The following USH2A variants were observed in gnomAD, a reference collection of about 807,000 sequenced individuals.
The protein encoded by USH2A is usherin.
USH2A carries 443 observed loss-of-function variants against 538.9 expected under a neutral mutation model. The observed-to-expected ratio is 0.82, with a 90% CI of 0.76 to 0.89. The LOEUF (loss-of-function observed/expected upper bound fraction) is 0.89, where lower values mean the gene tolerates loss of function less well. USH2A is among the 40% of genes least tolerant of loss of function. The pLI is 0.00. For missense variants in USH2A, 6,633 were observed against 6,324.8 expected, an observed-to-expected ratio of 1.05 and a Z score of -1.65; for synonymous variants, 2,413 against 2,273.5, an observed-to-expected ratio of 1.06 and a Z score of -1.75.
At chr1:215,824,901 T>A (rs1175664631) in intron 47 of USH2A, among the ~76,000 whole-genome samples, 1 of 152,188 alleles carries the variant, frequency 6.6e-6, no homozygotes, top group Non-Finnish European at 1.5e-5. Flanking sequence ...TACCATCTGC[T>A]CGGAGATTTT....
chr1:216,332,807 C>G (rs2037895982), intron 4 of USH2A, among the ~76,000 whole-genome samples: 1 of 152,060 alleles, frequency 6.6e-6, no homozygotes, highest in Non-Finnish European at 1.5e-5. Context: ...ACTAAACAAG[C>G]AAACAGTAGT....
intron 61 of USH2A, among the ~76,000 whole-genome samples, chr1:215,719,721 C>T (rs4655426): frequency 0.17 from 26,029 of 152,116 alleles, 2,311 homozygotes; most frequent in South Asian, 0.31. Context: ...GTCATTGCAG[C>T]AGCCCTATGA....
chr1:215,847,414 A>C (rs1318747952), intron 44 of USH2A, among the ~76,000 whole-genome samples: 1 of 152,074 alleles, frequency 6.6e-6, no homozygotes, highest in African/African-American at 2.4e-5. Flanking sequence ...GTACTTTATG[A>C]GGCTGAGATC....
chr1:216,127,525 G>T (rs948623571), intron 21 of USH2A, among the ~76,000 whole-genome samples: 5 of 152,106 alleles, frequency 3.3e-5, no homozygotes, highest in African/African-American at 1.2e-4. Context: ...TGTTTCAGGA[G>T]AAAACTCTCA....
intron 4 of USH2A, among the ~76,000 whole-genome samples, chr1:216,352,792 T>C (rs2038311583): frequency 6.6e-6 from 1 of 152,156 alleles, no homozygotes; most frequent in Non-Finnish European, 1.5e-5. Flanking sequence ...GGTGGATAAA[T>C]ATAGCAGTGG....
intron 38 of USH2A, among the ~76,000 whole-genome samples, chr1:215,913,752 T>C (rs1031754370): frequency 2.0e-5 from 3 of 151,940 alleles, no homozygotes; most frequent in Non-Finnish European, 4.4e-5. Flanking sequence ...TTTTTTTCCA[T>C]AAAAGTTGAG....
chr1:215,899,882 C>T lies in USH2A; in HGVS notation c.7594+193G>A, dbSNP rs1251080483. On this transcript the variant is annotated intron_variant, in intron 40 of 71. Coordinates refer to ENST00000307340, the MANE Select transcript of USH2A (RefSeq NM_206933.4). ...CTGTCTGTAGGCCTAACCCTCCAAC[C>T]CTCCAAGACCACATTATTCTTCTTT... 2.0e-5 allele frequency among the ~76,000 whole-genome samples: 3 copies of T among 152,116 alleles called. 1 individual carries two copies. Among genetic ancestry groups the T allele is most frequent in the Admixed American group, 1.3e-4 (2 of 15,250 alleles).
chr1:215,704,620 C>G (rs1291896391), intron 61 of USH2A, among the ~76,000 whole-genome samples: 3 of 152,132 alleles, frequency 2.0e-5, no homozygotes, highest in Non-Finnish European at 4.4e-5. Context: ...TTAGCCTCTC[C>G]CTGGTCTGCC....
chr1:215,845,380 C>T (rs1663811588), intron 45 of USH2A, among the ~76,000 whole-genome samples: 1 of 152,100 alleles, frequency 6.6e-6, no homozygotes, highest in Admixed American at 6.6e-5. Context: ...CTCCCCCTTG[C>T]TAACTGGCTT....
chr1:215,723,505 C>A (rs1376354888), intron 61 of USH2A, among the ~76,000 whole-genome samples: 1 of 152,172 alleles, frequency 6.6e-6, no homozygotes, highest in East Asian at 1.9e-4. Context: ...ACAACATGGG[C>A]AATTTATTGA....
At chr1:216,114,634 C>T (rs1187758434) in intron 21 of USH2A, among the ~76,000 whole-genome samples, 1 of 151,980 alleles carries the variant, frequency 6.6e-6, no homozygotes, top group Non-Finnish European at 1.5e-5. Context: ...AAACTTTAGG[C>T]TAAAAGAGGA....
rs190252791 is a variant in USH2A at position 216,076,859 on chromosome 1, G to T, written c.5572+1230C>A. Among the ~76,000 whole-genome samples the T allele has an allele frequency of 1.9e-4, 29 of 152,202 alleles. No individual in the cohort carries two copies. In the East Asian group the frequency reaches 5.4e-3, roughly 28 times the overall value. On this transcript the variant is annotated intron_variant, in intron 27 of 71. Coordinates refer to ENST00000307340, the MANE Select transcript of USH2A (RefSeq NM_206933.4). ...TCAGGGTATGTAGATTTTGAAATAC[G>T]TAAAGGACCTTTTTCACACGTGGGA...
intron 11 of USH2A, among the ~76,000 whole-genome samples, chr1:216,262,647 TA>T (rs1456473439): frequency 2.0e-5 from 3 of 151,920 alleles, no homozygotes; most frequent in Non-Finnish European, 2.9e-5. Flanking sequence ...AAAAGGGTAA[TA>T]AAAACTTATT....
chr1:215,752,514 C>A (rs758866590), intron 58 of USH2A, among the ~76,000 whole-genome samples: 15 of 152,112 alleles, frequency 9.9e-5, no homozygotes, highest in Non-Finnish European at 1.8e-4. Flanking sequence ...AGTGACTCTC[C>A]TCCCCTCCCA....
At chr1:215,636,256 A>G (rs1345551563) in intron 69 of USH2A, among the ~76,000 whole-genome samples, 1 of 152,208 alleles carries the variant, frequency 6.6e-6, no homozygotes, top group Non-Finnish European at 1.5e-5. Flanking sequence ...GACTTAAAGG[A>G]AAAAAGTTCA....
At chr1:216,013,055 GTAAA>G (rs1249709846) in intron 32 of USH2A, among the ~76,000 whole-genome samples, 3 of 152,178 alleles carry the variant, frequency 2.0e-5, no homozygotes, top group African/African-American at 2.4e-5. Context: ...AACTCTTGAA[GTAAA>G]TAAATAATCT....
At chr1:216,238,811 A>G (rs940038432) in intron 13 of USH2A, among the ~76,000 whole-genome samples, 1 of 152,164 alleles carries the variant, frequency 6.6e-6, no homozygotes, top group Non-Finnish European at 1.5e-5. Context: ...TTGCAATCAC[A>G]GATGAAAGGG....
Position 215,998,958 on chromosome 1 carries a change from T to C in USH2A, c.6586A>G (p.Ser2196Gly), listed in dbSNP as rs1668200355. Residue 2196 changes from serine to glycine, a missense_variant, in exon 34 of 72, where the codon AGT becomes GGT. By Grantham distance (56) the Ser-to-Gly change is moderately conservative (BLOSUM62 0). Coordinates refer to ENST00000307340, the MANE Select transcript of USH2A (RefSeq NM_206933.4). ...ATATGATCCTGGAAAAGTTCTGTAC[T>C]GTTATAGATGACACTCCAAATTGTA... ...DFTIWSVIYN[S>G]TELFQDHMLQ... The C allele has an allele frequency of 6.2e-7, 1 of 1,613,104 alleles. No homozygotes were observed. Among genetic ancestry groups the C allele is most frequent in the Non-Finnish European group, 8.5e-7 (1 of 1,179,414 alleles).
chr1:216,073,163 C>A lies in USH2A; in HGVS notation c.5710G>T (p.Asp1904Tyr), dbSNP rs1424490051. The A allele has an allele frequency of 8.1e-6, 13 of 1,613,916 alleles. No individual in the cohort carries two copies. Among genetic ancestry groups the A allele is most frequent in the Non-Finnish European group, 8.5e-6 (10 of 1,179,958 alleles). ...TTTCCCTGGTAAACCAGGATGGAGT[C>A]ATTTCCCCTGCAGTTAACAGCACTG... ...TDSAVNCRGNDSILVYQGKEQ... is the reference protein window; with the variant it reads ...TDSAVNCRGNYSILVYQGKEQ... Residue 1904 changes from aspartate to tyrosine, a missense_variant, in exon 28 of 72, where the codon GAC (aspartate) becomes TAC (tyrosine). Asp to Tyr is a radical substitution (Grantham distance 160, BLOSUM62 -3). Coordinates refer to ENST00000307340, the MANE Select transcript of USH2A (RefSeq NM_206933.4).
Sources: allele counts gnomAD v4.1 joint callset (sites outside exome capture counted in the v4.1 genomes callset), GRCh38; gene constraint gnomAD v4.1.1; transcripts MANE v1.5; gene names NCBI Gene and HGNC (gene_info 2026-07-23, HGNC 2026-07-21).